The following CNTN5 variants were observed in gnomAD, a reference collection of about 807,000 sequenced individuals.
The protein encoded by CNTN5 is contactin-5.
A neutral mutation model predicts 129.1 loss-of-function variants in CNTN5; 77 were observed. The ratio of observed to expected loss-of-function variants is 0.60; its 90% CI spans 0.50 to 0.72. The LOEUF (loss-of-function observed/expected upper bound fraction) is 0.72. CNTN5 is among the 30% of genes least tolerant of loss of function. The pLI is 0.00. For missense variants in CNTN5, 1,478 were observed against 1,328.8 expected, an observed-to-expected ratio of 1.11 and a Z score of -1.75; for synonymous variants, 509 against 465.6, an observed-to-expected ratio of 1.09 and a Z score of -1.20.
chr11:99,420,884 T>C (rs1227451004), intron 2 of CNTN5, among the ~76,000 whole-genome samples: 1 of 152,168 alleles, frequency 6.6e-6, no homozygotes, highest in Non-Finnish European at 1.5e-5. Context: ...GAATTCTCAG[T>C]ATTCCTGCCC....
At chr11:100,174,408 C>T (rs1947903935) in intron 13 of CNTN5, among the ~76,000 whole-genome samples, 1 of 152,194 alleles carries the variant, frequency 6.6e-6, no homozygotes, top group East Asian at 1.9e-4. Context: ...TAGTTCTTAA[C>T]CTTGTTTTCA....
chr11:100,040,533 C>T (rs557730746), intron 9 of CNTN5, among the ~76,000 whole-genome samples: 2 of 152,222 alleles, frequency 1.3e-5, no homozygotes, highest in Non-Finnish European at 2.9e-5. Flanking sequence ...GAGGTTACTG[C>T]TGTCTTTTTG....
chr11:99,845,275 TATG>T lies in CNTN5; in HGVS notation c.577+16_577+18del. 6.3e-7 allele frequency: 1 copy of T among 1,580,884 alleles called. No individual in the cohort carries two copies. Among genetic ancestry groups the T allele is most frequent in the Admixed American group, 1.7e-5 (1 of 57,510 alleles). On this transcript the variant is annotated intron_variant, in intron 6 of 24. Transcript: ENST00000524871. Reference sequence around the variant, plus strand: ...CTGCAGTTTGCCTGTGAGTAAAATATATGATTTTTCTATATATATGTATATAGT... The same window carrying T: ...CTGCAGTTTGCCTGTGAGTAAAATATATTTTTCTATATATATGTATATAGT...
chr11:100,241,452 T>C (rs912281850), intron 16 of CNTN5, among the ~76,000 whole-genome samples: 1 of 152,174 alleles, frequency 6.6e-6, no homozygotes, highest in Non-Finnish European at 1.5e-5. Flanking sequence ...TTTGTTTTTA[T>C]AAAAAGGAAA....
At chr11:100,327,457 T>C (rs1951812729) in intron 21 of CNTN5, among the ~76,000 whole-genome samples, 1 of 152,192 alleles carries the variant, frequency 6.6e-6, no homozygotes. Context: ...CAGCCTTCAA[T>C]GTAACTGTCT....
intron 13 of CNTN5, among the ~76,000 whole-genome samples, chr11:100,166,870 A>G (rs1947654992): frequency 6.6e-6 from 1 of 151,838 alleles, no homozygotes; most frequent in South Asian, 2.1e-4. Context: ...TTAGAGTCAT[A>G]TGGTGTGAAG....
chr11:99,367,256 A>G (rs1206174664), intron 2 of CNTN5, among the ~76,000 whole-genome samples: 2 of 152,164 alleles, frequency 1.3e-5, no homozygotes, highest in Admixed American at 6.6e-5. Flanking sequence ...AACAATTCAT[A>G]ATTATGCTGG....
At chr11:99,861,809 T>C (rs1351873840) in intron 6 of CNTN5, among the ~76,000 whole-genome samples, 1 of 152,176 alleles carries the variant, frequency 6.6e-6, no homozygotes, top group African/African-American at 2.4e-5. Context: ...CCTTTAGAAA[T>C]TAGGGATATT....
chr11:99,074,424 G>T (rs925652654), intron 1 of CNTN5, among the ~76,000 whole-genome samples: 3 of 151,986 alleles, frequency 2.0e-5, no homozygotes, highest in African/African-American at 7.2e-5. Context: ...CAATAACCTA[G>T]AACTGTAGAA....
At chr11:100,016,804 C>T (rs562250981) in intron 9 of CNTN5, among the ~76,000 whole-genome samples, 48 of 151,722 alleles carry the variant, frequency 3.2e-4, no homozygotes, top group African/African-American at 1.1e-3. Flanking sequence ...CAACATCTAC[C>T]ACCCTGTTTT....
intron 13 of CNTN5, among the ~76,000 whole-genome samples, chr11:100,123,810 G>T (rs116740169): frequency 0.02 from 3,047 of 152,004 alleles, 102 homozygotes; most frequent in African/African-American, 0.069. Context: ...CTATAAAATT[G>T]AGTTAACCAG....
chr11:99,665,763 A>G (rs779403701), intron 3 of CNTN5, among the ~76,000 whole-genome samples: 9 of 152,062 alleles, frequency 5.9e-5, no homozygotes, highest in Admixed American at 1.3e-4. Context: ...CTGAGATTAC[A>G]GGTGTGAGCC....
chr11:99,753,347 C>A (rs570988640), intron 3 of CNTN5, among the ~76,000 whole-genome samples: 2 of 151,376 alleles, frequency 1.3e-5, no homozygotes, highest in East Asian at 3.9e-4. Flanking sequence ...TGGTCTCGAT[C>A]TCCTGACCTC....
At chr11:99,506,217 C>A (rs78674423) in intron 2 of CNTN5, among the ~76,000 whole-genome samples, 35 of 152,124 alleles carry the variant, frequency 2.3e-4, no homozygotes, top group Non-Finnish European at 3.8e-4. Flanking sequence ...GTCTGGGGCC[C>A]TTGCTCAGGA....
At chr11:99,049,721 C>T (rs1478286518) in intron 1 of CNTN5, 1 of 152,094 alleles carries the variant, frequency 6.6e-6, no homozygotes, top group East Asian at 1.9e-4. Context: ...TTGGGTGAAT[C>T]CACAGATGTG....
At chr11:99,865,890 A>G (rs1028667218) in intron 6 of CNTN5, among the ~76,000 whole-genome samples, 1 of 152,160 alleles carries the variant, frequency 6.6e-6, no homozygotes, top group African/African-American at 2.4e-5. Context: ...GACACTAGCC[A>G]TATGGATTCA....
At chr11:99,193,181 A>G (rs12269856) in intron 1 of CNTN5, among the ~76,000 whole-genome samples, 37,540 of 152,048 alleles carry the variant, frequency 0.25, 4,839 homozygotes, top group East Asian at 0.47. Context: ...TATCACTATG[A>G]CAGGGGATAA....
chr11:100,011,280 G>A (rs1002215420), intron 9 of CNTN5, among the ~76,000 whole-genome samples: 3 of 152,042 alleles, frequency 2.0e-5, no homozygotes, highest in Non-Finnish European at 2.9e-5. Context: ...GCCTCCAACA[G>A]AAACAGAAGT....
At chr11:100,050,711 A>T (rs551214779) in intron 9 of CNTN5, among the ~76,000 whole-genome samples, 3 of 151,912 alleles carry the variant, frequency 2.0e-5, no homozygotes, top group African/African-American at 4.9e-5. Flanking sequence ...ATGATTTTTT[A>T]TATATGAAGA....
Sources: gnomAD v4.1 joint callset for allele counts (sites outside exome capture counted in the v4.1 genomes callset) on GRCh38, gnomAD v4.1.1 for gene constraint, MANE v1.5 for transcripts, NCBI Gene and HGNC (gene_info 2026-07-23, HGNC 2026-07-21) for gene names.